The following TRDN variants were observed in gnomAD, a reference collection of about 807,000 sequenced individuals.
The protein encoded by TRDN is triadin.
A neutral mutation model predicts 149.7 loss-of-function variants in TRDN; 161 were observed. The ratio of observed to expected loss-of-function variants is 1.08; its 90% CI spans 0.95 to 1.23. The LOEUF is 1.23. Ranked by LOEUF, TRDN falls within the 50% of genes most tolerant of loss-of-function variation. The probability of loss-of-function intolerance (pLI) is 0.00; values close to 1 mark genes in which losing one functional copy is unlikely to be tolerated. For missense variants in TRDN, 896 were observed against 823.5 expected, an observed-to-expected ratio of 1.09 and a Z score of -1.08; for synonymous variants, 294 against 250.5, an observed-to-expected ratio of 1.17 and a Z score of -1.64.
chr6:123,614,596 A>C (rs1784993512), intron 1 of TRDN, among the ~76,000 whole-genome samples: 1 of 151,630 alleles, frequency 6.6e-6, no homozygotes, highest in African/African-American at 2.4e-5. Context: ...TTTTAATCTA[A>C]ATTTATTTTA....
intron 12 of TRDN, among the ~76,000 whole-genome samples, chr6:123,407,150 C>A (rs1407671149): frequency 2.0e-5 from 3 of 152,240 alleles, no homozygotes; most frequent in Middle Eastern, 3.4e-3. Flanking sequence ...CATGACCGGG[C>A]AAGCTATAGT....
chr6:123,512,344 AT>A lies in TRDN; in HGVS notation c.568del (p.Ile190LeufsTer33). ...TGTTTCTGGTTTTTCTTTTTTCTCA[AT>A]TTTTTCCTTGTGAGTTGCTTAAACA... ...PEKKATHKEK[I>X]EKKEKPETKT... On this transcript the variant is annotated frameshift_variant, in exon 7 of 41. Transcript: ENST00000334268. LOFTEE classifies it high-confidence loss of function. The A allele has an allele frequency of 2.0e-6, 3 of 1,505,128 alleles. No individual in the cohort carries two copies. The highest frequency in any genetic ancestry group is 2.7e-6 in the Non-Finnish European group (3 of 1,097,346). The allele number at this position is 1,505,128 out of a possible 1,614,324, so 93.2% of individuals were successfully genotyped here. A position where few individuals can be genotyped will look rare whatever the true frequency, so the allele number is the denominator to read the frequency against.
At chr6:123,243,412 G>A (rs73771912) in intron 38 of TRDN, among the ~76,000 whole-genome samples, 6,907 of 152,150 alleles carry the variant, frequency 0.045, 468 homozygotes, top group African/African-American at 0.16. Context: ...TACAATAATT[G>A]TCTAGCAATA....
chr6:123,343,001 A>G (rs1040469856), intron 21 of TRDN, among the ~76,000 whole-genome samples: 1 of 152,122 alleles, frequency 6.6e-6, no homozygotes, highest in Admixed American at 6.6e-5. Flanking sequence ...TCAAATCTTT[A>G]CACAGTAACC....
At chr6:123,615,138 A>C (rs1017107154) in intron 1 of TRDN, among the ~76,000 whole-genome samples, 1 of 152,186 alleles carries the variant, frequency 6.6e-6, no homozygotes, top group Non-Finnish European at 1.5e-5. Context: ...ATTATCAAAA[A>C]GACAAAAGAT....
intron 12 of TRDN, among the ~76,000 whole-genome samples, chr6:123,399,295 C>T (rs936429979): frequency 2.0e-5 from 3 of 152,124 alleles, no homozygotes; most frequent in Admixed American, 1.3e-4. Flanking sequence ...ATTTCCCCCT[C>T]ATGGCATTAT....
chr6:123,568,341 T>C (rs1051483251), intron 2 of TRDN, among the ~76,000 whole-genome samples: 1 of 152,186 alleles, frequency 6.6e-6, no homozygotes, highest in East Asian at 1.9e-4. Context: ...CCAGTGGATC[T>C]ATCATTTTGG....
intron 1 of TRDN, among the ~76,000 whole-genome samples, chr6:123,574,522 A>G (rs117516620): frequency 9.8e-4 from 149 of 152,092 alleles, no homozygotes; most frequent in Non-Finnish European, 1.7e-3. Context: ...AAGTGAATCA[A>G]ACCTTTGGAA....
intron 24 of TRDN, among the ~76,000 whole-genome samples, chr6:123,295,263 G>A (rs1346591933): frequency 1.3e-5 from 2 of 152,098 alleles, no homozygotes; most frequent in Non-Finnish European, 2.9e-5. Context: ...TAATATGCAT[G>A]CAATTAAAAG....
intron 6 of TRDN, among the ~76,000 whole-genome samples, chr6:123,515,750 A>T (rs954087445): frequency 6.6e-6 from 1 of 152,128 alleles, no homozygotes; most frequent in African/African-American, 2.4e-5. Flanking sequence ...TCTATTCTAC[A>T]TAAATAAATA....
intron 21 of TRDN, among the ~76,000 whole-genome samples, chr6:123,339,273 G>A (rs1197521716): frequency 6.6e-6 from 1 of 152,106 alleles, no homozygotes; most frequent in African/African-American, 2.4e-5. Flanking sequence ...CCAAAGTGCT[G>A]GGATTACAGG....
chr6:123,514,762 C>T (rs1352619474), intron 6 of TRDN, among the ~76,000 whole-genome samples: 1 of 151,870 alleles, frequency 6.6e-6, no homozygotes, highest in Non-Finnish European at 1.5e-5. Context: ...AAATAGTAAG[C>T]AGTTAAAAAT....
At chr6:123,520,541 T>G (rs1779621658) in intron 5 of TRDN, among the ~76,000 whole-genome samples, 1 of 152,176 alleles carries the variant, frequency 6.6e-6, no homozygotes, top group African/African-American at 2.4e-5. Context: ...TACCTTCCAA[T>G]AATGCACATA....
chr6:123,420,663 C>T (rs953190988), intron 12 of TRDN, among the ~76,000 whole-genome samples: 5 of 152,128 alleles, frequency 3.3e-5, no homozygotes, highest in African/African-American at 9.7e-5. Context: ...ACTAAAAATA[C>T]ATCTCATGTG....
At chr6:123,567,699 G>A (rs191279291) in intron 2 of TRDN, among the ~76,000 whole-genome samples, 1 of 152,250 alleles carries the variant, frequency 6.6e-6, no homozygotes, top group African/African-American at 2.4e-5. Context: ...TCACTATTGT[G>A]AGGAAAGTAC....
intron 1 of TRDN, among the ~76,000 whole-genome samples, chr6:123,606,395 G>A (rs904186301): frequency 6.6e-6 from 1 of 151,544 alleles, no homozygotes; most frequent in South Asian, 2.1e-4. Flanking sequence ...CTTTTTTTAT[G>A]CCATAATTTG....
At chr6:123,219,881 T>C (rs1385149159) in intron 40 of TRDN, among the ~76,000 whole-genome samples, 1 of 151,854 alleles carries the variant, frequency 6.6e-6, no homozygotes, top group Non-Finnish European at 1.5e-5. Context: ...TGGAAATCCA[T>C]TGCTAAAAGT....
chr6:123,287,684 C>T (rs1777850487), intron 24 of TRDN, among the ~76,000 whole-genome samples: 1 of 152,030 alleles, frequency 6.6e-6, no homozygotes, highest in Admixed American at 6.6e-5. Context: ...GGTATGTCAA[C>T]TTTTCAATCC....
chr6:123,462,943 A>G (rs1776541081), intron 10 of TRDN: 1 of 152,208 alleles, frequency 6.6e-6, no homozygotes, highest in South Asian at 2.1e-4. Context: ...GCAGCCTTCA[A>G]GCTTTCAGAG....
Sources: gnomAD v4.1 joint callset for allele counts (sites outside exome capture counted in the v4.1 genomes callset) on GRCh38, gnomAD v4.1.1 for gene constraint, MANE v1.5 for transcripts, NCBI Gene and HGNC (gene_info 2026-07-23, HGNC 2026-07-21) for gene names.